Variants in ANO3 observed in about 807,000 individuals in gnomAD.
ANO3 encodes the protein anoctamin-3.
In ANO3, 99 loss-of-function variants were observed where a neutral mutation model predicts 144.8. The observed-to-expected ratio is 0.68, with a 90% CI of 0.58 to 0.81. ANO3 has a LOEUF of 0.81. ANO3 is among the 30% of genes least tolerant of loss of function. The pLI is 0.00. For missense variants in ANO3, 905 were observed against 1,202.2 expected (o/e 0.75, Z 3.66); for synonymous variants, 414 against 392.6 (o/e 1.05, Z -0.64).
chr11:26,609,884 G>A (rs1170757245), intron 17 of ANO3, among the ~76,000 whole-genome samples: 1 of 151,858 alleles, frequency 6.6e-6, no homozygotes, highest in African/African-American at 2.4e-5. Context: ...CCTTTTCTTT[G>A]TATCCTAGCC....
chr11:26,471,257 ACT>A (rs1163145173), intron 4 of ANO3, among the ~76,000 whole-genome samples: 1 of 151,748 alleles, frequency 6.6e-6, no homozygotes, highest in Non-Finnish European at 1.5e-5. Flanking sequence ...TCTGAGATAT[ACT>A]CTCAGATTTA....
chr11:26,415,070 G>GTGTT (rs1034331114), intron 1 of ANO3, among the ~76,000 whole-genome samples: 3 of 147,626 alleles, frequency 2.0e-5, no homozygotes, highest in African/African-American at 7.3e-5. Context: ...GTGTGTGTGT[G>GTGTT]TGTGTGTGTG....
chr11:26,316,153 T>C (rs60646514), intron 1 of ANO3, among the ~76,000 whole-genome samples: 15,842 of 152,172 alleles, frequency 0.1, 1,892 homozygotes, highest in African/African-American at 0.29. Context: ...CTTAATGCAA[T>C]GGGGCTCTTT....
At chr11:26,460,287 G>T (rs1043514052) in intron 3 of ANO3, among the ~76,000 whole-genome samples, 1 of 151,306 alleles carries the variant, frequency 6.6e-6, no homozygotes, top group Non-Finnish European at 1.5e-5. Context: ...CAACTTTTAG[G>T]TTCAAGAGGT....
At chr11:26,430,019 C>G (rs7107710) in intron 1 of ANO3, among the ~76,000 whole-genome samples, 97,166 of 151,924 alleles carry the variant, frequency 0.64, 33,068 homozygotes, top group Admixed American at 0.79. Flanking sequence ...GGGGAGATCT[C>G]CTGAGGCCAG....
chr11:26,266,150 G>A (rs1402395166), intron 1 of ANO3, among the ~76,000 whole-genome samples: 1 of 151,998 alleles, frequency 6.6e-6, no homozygotes. Context: ...TATCTAGGAG[G>A]ATTTTTTTTC....
chr11:26,505,823 T>A (rs992222380), intron 4 of ANO3, among the ~76,000 whole-genome samples: 3,198 of 150,356 alleles, frequency 0.021, 57 homozygotes, highest in Non-Finnish European at 0.035. Flanking sequence ...ATCCAAAAAA[T>A]AAAAAAAATA....
At chr11:26,640,153 G>C (rs112410633) in intron 21 of ANO3, among the ~76,000 whole-genome samples, 1 of 152,022 alleles carries the variant, frequency 6.6e-6, no homozygotes, top group African/African-American at 2.4e-5. Context: ...TATAGGCTGT[G>C]GAATTACCCA....
chr11:26,407,100 A>ATATG (rs1254434641), intron 1 of ANO3, among the ~76,000 whole-genome samples: 1 of 145,662 alleles, frequency 6.9e-6, no homozygotes, highest in Non-Finnish European at 1.5e-5. Context: ...ATATGTATAT[A>ATATG]TATGCCAGAG....
chr11:26,598,593 G>T, intron 15 of ANO3, 146 bp downstream of exon 15: 1 of 612,472 alleles, frequency 1.6e-6, no homozygotes, highest in Non-Finnish European at 2.7e-6. Flanking sequence ...ATTATTTTAT[G>T]AAGATAATAG....
At chr11:26,525,803 A>G (rs1324138138) in intron 7 of ANO3, 124 bp downstream of exon 7, 17 of 667,608 alleles carry the variant, frequency 2.5e-5, no homozygotes, top group Non-Finnish European at 4.0e-5. Context: ...GATTTGTCGA[A>G]GATATTTCCA....
chr11:26,378,918 T>A (rs1590309409), intron 1 of ANO3, among the ~76,000 whole-genome samples: 1 of 146,100 alleles, frequency 6.8e-6, no homozygotes, highest in East Asian at 2.0e-4. Flanking sequence ...TTCTGAGATT[T>A]AAAGAACAGT....
At chr11:26,358,120 C>T (rs1289992945) in intron 1 of ANO3, among the ~76,000 whole-genome samples, 2 of 145,364 alleles carry the variant, frequency 1.4e-5, no homozygotes, top group East Asian at 4.0e-4. Context: ...ATTTTAATGT[C>T]TTTTTAGCTA....
At chr11:26,360,000 T>C (rs926455431) in intron 1 of ANO3, among the ~76,000 whole-genome samples, 1 of 152,006 alleles carries the variant, frequency 6.6e-6, no homozygotes, top group African/African-American at 2.4e-5. Context: ...TTACAAACTA[T>C]ATTAATATAT....
At chr11:26,647,092 C>A (rs1314557474) in intron 23 of ANO3, among the ~76,000 whole-genome samples, 1 of 152,018 alleles carries the variant, frequency 6.6e-6, no homozygotes, top group African/African-American at 2.4e-5. Context: ...TAAGTTTAAT[C>A]CCACTGAAAA....
intron 1 of ANO3, among the ~76,000 whole-genome samples, chr11:26,207,858 T>C (rs1281190256): frequency 6.6e-6 from 1 of 151,988 alleles, no homozygotes; most frequent in Non-Finnish European, 1.5e-5. Context: ...TTTTCAGTAA[T>C]GCTACTTAAC....
chr11:26,634,414 AC>A, intron 19 of ANO3, 99 bp downstream of exon 19: 1 of 733,368 alleles, frequency 1.4e-6, no homozygotes, highest in Non-Finnish European at 2.2e-6. Context: ...TCTGACAGCC[AC>A]CAGCAGCTAA....
intron 1 of ANO3, among the ~76,000 whole-genome samples, chr11:26,402,136 T>C (rs954800695): frequency 6.6e-6 from 1 of 151,966 alleles, no homozygotes; most frequent in Non-Finnish European, 1.5e-5. Flanking sequence ...ATTAGAAAGA[T>C]TTGTATTTCT....
At chr11:26,402,539 G>A (rs950736872) in intron 1 of ANO3, among the ~76,000 whole-genome samples, 1 of 151,808 alleles carries the variant, frequency 6.6e-6, no homozygotes, top group African/African-American at 2.4e-5. Context: ...ACTTTTGTTG[G>A]AAGCATAGAT....
Sources: gnomAD v4.1 joint callset for allele counts (sites outside exome capture counted in the v4.1 genomes callset) on GRCh38, gnomAD v4.1.1 for gene constraint, MANE v1.5 for transcripts, NCBI Gene and HGNC (gene_info 2026-07-23, HGNC 2026-07-21) for gene names.